RALGAPA1: variants seen among roughly 807,000 people sequenced by gnomAD.
RALGAPA1 encodes the protein ral GTPase-activating protein subunit alpha-1.
In RALGAPA1, 52 loss-of-function variants were observed where a neutral mutation model predicts 269.6. The ratio of observed to expected loss-of-function variants is 0.19; its 90% CI spans 0.15 to 0.24. The LOEUF (loss-of-function observed/expected upper bound fraction) is 0.24, where lower values mean the gene tolerates loss of function less well. Among genes scored for constraint, RALGAPA1 ranks in the 10% least tolerant of loss-of-function variants. The pLI, the probability that RALGAPA1 is intolerant of heterozygous loss-of-function variation, is 1.00. For missense variants in RALGAPA1, 1,917 were observed against 3,013.9 expected (o/e 0.64, Z 8.52); for synonymous variants, 817 against 1,008.3 (o/e 0.81, Z 3.60).
intron 18 of RALGAPA1, 117 bp downstream of exon 18, chr14:35,688,340 CAG>C: frequency 1.7e-6 from 2 of 1,150,218 alleles, no homozygotes; most frequent in South Asian, 1.5e-5. Flanking sequence ...CATAACCAAA[CAG>C]AGAGAAAGCA....
chr14:35,595,966 A>G (rs1336326506), intron 36 of RALGAPA1, among the ~76,000 whole-genome samples, 177 bp from the exon 37 acceptor site: 1 of 152,118 alleles, frequency 6.6e-6, no homozygotes, highest in Non-Finnish European at 1.5e-5. Flanking sequence ...CTTTTTAAGT[A>G]TTTGAGGATT....
chr14:35,797,065 G>A (rs2076617952), intron 1 of RALGAPA1, among the ~76,000 whole-genome samples: 2 of 152,072 alleles, frequency 1.3e-5, no homozygotes, highest in African/African-American at 4.8e-5. Context: ...CTTTAAAAAA[G>A]AAGCCAAAGC....
At position 35,757,119 on chromosome 14, in the gene RALGAPA1, A is replaced by T. The variant is rs532477486; in HGVS notation, c.548-211T>A. On this transcript the variant is annotated intron_variant, in intron 6 of 41. Coordinates refer to ENST00000680220, the MANE Select transcript of RALGAPA1 (RefSeq NM_001346249.2). ...TTATTTATTTATTATTATTATTATT[A>T]TTTTTTTTTTTTTTTTGAGACGGAG... 7.4e-3 allele frequency among the ~76,000 whole-genome samples: 1,073 copies of T among 144,850 alleles called. 18 individuals are homozygous for T. Among genetic ancestry groups the T allele is most frequent in the African/African-American group, 0.025 (974 of 38,620 alleles).
intron 26 of RALGAPA1, among the ~76,000 whole-genome samples, chr14:35,669,857 G>A (rs1332455362): frequency 1.3e-5 from 2 of 152,160 alleles, no homozygotes; most frequent in Non-Finnish European, 2.9e-5. Context: ...TACGCAAGGG[G>A]AGGGGGAAGT....
intron 1 of RALGAPA1, among the ~76,000 whole-genome samples, chr14:35,793,899 C>T (rs956349442): frequency 1.3e-5 from 2 of 152,044 alleles, no homozygotes; most frequent in African/African-American, 4.8e-5. Flanking sequence ...CCTTTAGATG[C>T]AATAAAATCC....
intron 1 of RALGAPA1, among the ~76,000 whole-genome samples, chr14:35,792,083 T>C (rs924141406): frequency 2.0e-5 from 3 of 152,092 alleles, no homozygotes; most frequent in African/African-American, 7.2e-5. Context: ...TTGCCTTAAA[T>C]ATTGGCCAAG....
At chr14:35,620,814 A>C (rs2060572376) in intron 35 of RALGAPA1, among the ~76,000 whole-genome samples, 1 of 152,194 alleles carries the variant, frequency 6.6e-6, no homozygotes, top group African/African-American at 2.4e-5. Flanking sequence ...AATGGATGTG[A>C]AGTTCTCGTC....
chr14:35,606,562 C>T (rs932165418), intron 35 of RALGAPA1, among the ~76,000 whole-genome samples: 8 of 152,144 alleles, frequency 5.3e-5, no homozygotes, highest in African/African-American at 1.7e-4. Context: ...AGTTCTTAGA[C>T]ATTTTATTTT....
At chr14:35,687,738 G>A (rs1161522124) in intron 18 of RALGAPA1, among the ~76,000 whole-genome samples, 1 of 152,114 alleles carries the variant, frequency 6.6e-6, no homozygotes, top group East Asian at 1.9e-4. Context: ...TAAATCATGA[G>A]TGGCTACTGT....
intron 3 of RALGAPA1, among the ~76,000 whole-genome samples, chr14:35,772,951 C>G (rs1360906729): frequency 6.6e-6 from 1 of 152,180 alleles, no homozygotes; most frequent in Non-Finnish European, 1.5e-5. Flanking sequence ...AAGTTCTACA[C>G]AGATAAATGC....
At chr14:35,798,992 C>CA (rs60003824) in intron 1 of RALGAPA1, among the ~76,000 whole-genome samples, 4,076 of 81,252 alleles carry the variant, frequency 0.05, 69 homozygotes, top group Middle Eastern at 0.11. Context: ...CTGTCTGTGT[C>CA]AAAAAAAAAA....
At chr14:35,647,043 C>T (rs1278489461) in intron 31 of RALGAPA1, among the ~76,000 whole-genome samples, 1 of 152,156 alleles carries the variant, frequency 6.6e-6, no homozygotes, top group Non-Finnish European at 1.5e-5. Context: ...ATCTGTCAAT[C>T]ACAGATTCCA....
At chr14:35,684,881 G>A in intron 20 of RALGAPA1, 48 bp downstream of exon 20, 1 of 1,555,228 alleles carries the variant, frequency 6.4e-7, no homozygotes, top group Non-Finnish European at 8.7e-7. Flanking sequence ...GTCTTGAACA[G>A]AAGACAATCA....
At chr14:35,762,545 T>C (rs2073813752) in intron 5 of RALGAPA1, among the ~76,000 whole-genome samples, 165 bp downstream of exon 5, 1 of 152,186 alleles carries the variant, frequency 6.6e-6, no homozygotes, top group South Asian at 2.1e-4. Context: ...CGTGAGCCAC[T>C]GCACCCAGCC....
chr14:35,792,175 G>T (rs1002762473), intron 1 of RALGAPA1, among the ~76,000 whole-genome samples: 1 of 151,890 alleles, frequency 6.6e-6, no homozygotes, highest in African/African-American at 2.4e-5. Flanking sequence ...TGGTTTTTTT[G>T]AGACAGAGTC....
At chr14:35,780,104 C>CA (rs34840514) in intron 1 of RALGAPA1, among the ~76,000 whole-genome samples, 25,952 of 138,320 alleles carry the variant, frequency 0.19, 4,100 homozygotes, top group East Asian at 0.45. Flanking sequence ...TAGACTGTCT[C>CA]AAAAAAAAAA....
In RALGAPA1 at chr14:35,708,737, C is replaced by T. The variant is rs1567054752; in HGVS notation, c.2267-8435G>A. Reference sequence around the variant, plus strand: ...TAGAGCTACCAATCCAGCAATCCCACTCCTGGGTATACACCCAAAAGAAAG... The same window carrying T: ...TAGAGCTACCAATCCAGCAATCCCATTCCTGGGTATACACCCAAAAGAAAG... On this transcript the variant is annotated intron_variant, in intron 16 of 41. Coordinates refer to ENST00000680220, the MANE Select transcript of RALGAPA1 (RefSeq NM_001346249.2). Among the ~76,000 whole-genome samples the T allele has an allele frequency of 2.0e-5, 3 of 152,164 alleles. No individual in the cohort carries two copies. The East Asian group carries it at 5.8e-4, about 29-fold the overall frequency.
chr14:35,674,124 G>C, intron 24 of RALGAPA1, 56 bp downstream of exon 24: 1 of 1,348,712 alleles, frequency 7.4e-7, no homozygotes, highest in African/African-American at 1.5e-5. Context: ...TCTATAAAAA[G>C]TTTAAGATTT....
intron 29 of RALGAPA1, 52 bp from the exon 30 acceptor site, chr14:35,654,529 A>T: frequency 6.5e-7 from 1 of 1,535,068 alleles, no homozygotes; most frequent in Non-Finnish European, 8.7e-7. Flanking sequence ...ACTTTTCATC[A>T]ATGTATTATC....
Sources: gnomAD v4.1 joint callset for allele counts (sites outside exome capture counted in the v4.1 genomes callset) on GRCh38, gnomAD v4.1.1 for gene constraint, MANE v1.5 for transcripts, NCBI Gene and HGNC (gene_info 2026-07-23, HGNC 2026-07-21) for gene names.